C3orf52: variants seen among roughly 807,000 people sequenced by gnomAD.
C3orf52 encodes TPA-induced transmembrane protein.
A neutral mutation model predicts 24.8 loss-of-function variants in C3orf52; 22 were observed. That is an observed-to-expected ratio of 0.89 (90% confidence interval 0.63 to 1.27). C3orf52 has a LOEUF of 1.27. Ranked by LOEUF, C3orf52 falls within the 50% of genes most tolerant of loss-of-function variation. C3orf52 has a pLI of 0.00. For synonymous variants in C3orf52, 93 were observed against 100.2 expected, an observed-to-expected ratio of 0.93 and a Z score of 0.43; for missense variants, 265 against 260.7, an observed-to-expected ratio of 1.02 and a Z score of -0.11.
intron 2 of C3orf52, among the ~76,000 whole-genome samples, 165 bp from the exon 3 acceptor site, chr3:112,102,673 T>C (rs561508717): frequency 3.3e-5 from 5 of 152,340 alleles, no homozygotes; most frequent in African/African-American, 9.6e-5. Context: ...TCAATTTTGC[T>C]GAGTGGAGAA....
At chr3:112,110,790 T>A (rs1055457590) in intron 4 of C3orf52, among the ~76,000 whole-genome samples, 9 of 152,192 alleles carry the variant, frequency 5.9e-5, no homozygotes, top group Non-Finnish European at 1.0e-4. Flanking sequence ...CTCCAAACCC[T>A]AATATTAGCA....
chr3:112,117,192 C>T lies in C3orf52; in HGVS notation c.*546C>T. On this transcript the variant is annotated 3_prime_UTR_variant, in exon 6 of 6. Transcript: ENST00000264848. ...AATTATTCACTGAAGTCATCCTCCT[C>T]CCCCCCACCATTCGATTTGATCTAC... 3.6e-6 allele frequency: 2 copies of T among 548,344 alleles called. No homozygotes were observed. The highest frequency in any genetic ancestry group is 3.2e-6 in the Non-Finnish European group (1 of 310,042). The allele number at this position is 548,344 out of a possible 1,614,324, so 34.0% of individuals were successfully genotyped here.
chr3:112,111,906 C>T (rs1239554219), intron 4 of C3orf52: 1 of 152,146 alleles, frequency 6.6e-6, no homozygotes, highest in African/African-American at 2.4e-5. Context: ...TGGCACATCT[C>T]CCAGCCGTAG....
intron 5 of C3orf52, among the ~76,000 whole-genome samples, chr3:112,114,827 T>C (rs1303570483): frequency 6.6e-6 from 1 of 152,194 alleles, no homozygotes; most frequent in Non-Finnish European, 1.5e-5. Context: ...CAAAAATTGT[T>C]ACTGGCTCTT....
rs2073988063 is a variant in C3orf52, at chr3:112,102,965, G to T, written c.396G>T (p.Arg132Ser). 5.6e-6 allele frequency: 9 copies of T among 1,611,762 alleles called. No individual in the cohort carries two copies. Among genetic ancestry groups the T allele is most frequent in the Non-Finnish European group, 6.8e-6 (8 of 1,179,138 alleles). Residue 132 changes from arginine (R) to serine (S), a missense_variant and splice_region_variant, in exon 3 of 6, where the codon AGG becomes AGT. Physicochemically the swap from Arg to Ser is moderately radical, Grantham distance 110. Coordinates refer to ENST00000264848, the MANE Select transcript of C3orf52 (RefSeq NM_024616.3). ...EEELPHLLTE[R>S]LTDVYSTSPS... ...AATTGCCTCACCTGCTCACCGAAAG[G>T]GTAATTCCATCTTATATATTGCCTA... is the stretch of plus-strand genomic sequence containing the variant.
intron 5 of C3orf52, among the ~76,000 whole-genome samples, chr3:112,113,775 T>G (rs2074109083): frequency 6.6e-6 from 1 of 152,232 alleles, no homozygotes; most frequent in Non-Finnish European, 1.5e-5. Flanking sequence ...TATCAGAATC[T>G]GAGAACTTTT....
intron 2 of C3orf52, among the ~76,000 whole-genome samples, chr3:112,096,756 A>T (rs2073930390): frequency 6.6e-6 from 1 of 152,324 alleles, no homozygotes; most frequent in East Asian, 1.9e-4. Flanking sequence ...AATTGTCAGC[A>T]TGTGGTGATA....
chr3:112,089,777 G>T (rs2073861390), intron 1 of C3orf52, among the ~76,000 whole-genome samples: 1 of 152,018 alleles, frequency 6.6e-6, no homozygotes, highest in African/African-American at 2.4e-5. Context: ...TAAGAGATAG[G>T]TATCCTGCCA....
intron 4 of C3orf52, among the ~76,000 whole-genome samples, chr3:112,111,102 G>A (rs901394770): frequency 6.6e-6 from 1 of 152,196 alleles, no homozygotes; most frequent in African/African-American, 2.4e-5. Flanking sequence ...CCAGCTACTT[G>A]GGAGGCTGAA....
intron 4 of C3orf52, chr3:112,123,315 A>G: frequency 6.9e-7 from 1 of 1,453,258 alleles, no homozygotes; most frequent in South Asian, 1.4e-5. Flanking sequence ...GGCTTGTGGT[A>G]TACAAACCAT....
At chr3:112,105,633 C>T (rs2107784167) in intron 3 of C3orf52, among the ~76,000 whole-genome samples, 1 of 151,052 alleles carries the variant, frequency 6.6e-6, no homozygotes, top group East Asian at 1.9e-4. Context: ...TCAATTCTGA[C>T]ATGATCTGCC....
intron 4 of C3orf52, 59 bp from the exon 5 acceptor site, chr3:112,112,905 C>T (rs1393324172): frequency 1.5e-6 from 2 of 1,349,770 alleles, no homozygotes; most frequent in Non-Finnish European, 2.1e-6. Context: ...TGCTTAAATT[C>T]ATTTCTTGAG....
At chr3:112,127,100 T>A (rs2074341138) in intron 4 of C3orf52, 1 of 994,568 alleles carries the variant, frequency 1.0e-6, no homozygotes, top group Non-Finnish European at 1.6e-6. Flanking sequence ...GACACAAGCC[T>A]ACAAAACTTA....
At chr3:112,112,898 T>C in intron 4 of C3orf52, 66 bp from the exon 5 acceptor site, 1 of 1,349,226 alleles carries the variant, frequency 7.4e-7, no homozygotes, top group Non-Finnish European at 1.0e-6. Context: ...AAGTTATTGC[T>C]TAAATTCATT....
chr3:112,115,585 G>GA (rs776833154), intron 5 of C3orf52, among the ~76,000 whole-genome samples: 8 of 150,462 alleles, frequency 5.3e-5, no homozygotes, highest in Admixed American at 6.6e-5. Flanking sequence ...TTCTCCCCAG[G>GA]AAAAAAAAAT....
At chr3:112,098,459 A>G (rs149241666) in intron 2 of C3orf52, among the ~76,000 whole-genome samples, 1 of 151,938 alleles carries the variant, frequency 6.6e-6, no homozygotes, top group African/African-American at 2.4e-5. Flanking sequence ...GACAGCAGCC[A>G]TGCCTCCAAG....
At chr3:112,091,801 G>A (rs1048523635) in intron 1 of C3orf52, among the ~76,000 whole-genome samples, 7 of 152,182 alleles carry the variant, frequency 4.6e-5, no homozygotes, top group Non-Finnish European at 2.9e-5. Flanking sequence ...TCAGGAGATC[G>A]AGACCATCCT....
At chr3:112,130,528 A>G (rs767908997), downstream of C3orf52, 3 of 1,611,776 alleles carry the variant, frequency 1.9e-6, no homozygotes, top group Non-Finnish European at 2.5e-6. Flanking sequence ...AACTCAACAT[A>G]TCAGAAACAG....
chr3:112,128,125 C>T lies in C3orf52; in HGVS notation c.*47-108C>T, dbSNP rs563169830. Reference sequence around the variant, plus strand: ...TTTCTGCAGCTTTGTTAAGGTGACTCCTTTCCTTTTGCCATTTCTGTGGAA... The same window carrying T: ...TTTCTGCAGCTTTGTTAAGGTGACTTCTTTCCTTTTGCCATTTCTGTGGAA... On this transcript the variant is annotated intron_variant, in intron 4 of 4. Coordinates refer to the C3orf52 transcript ENST00000480282. 2.7e-6 allele frequency: 4 copies of T among 1,473,880 alleles called. No homozygotes were observed. In the Admixed American group the frequency reaches 5.0e-5, roughly 19 times the overall value. 91.3% of individuals were successfully genotyped at this position (1,473,880 alleles called of 1,614,324 possible).
Sources: gnomAD v4.1 joint callset for allele counts (sites outside exome capture counted in the v4.1 genomes callset) on GRCh38, gnomAD v4.1.1 for gene constraint, MANE v1.5 for transcripts, NCBI Gene and HGNC (gene_info 2026-07-23, HGNC 2026-07-21) for gene names.